TM2D3: variants seen among roughly 807,000 people sequenced by gnomAD.
TM2D3 encodes the protein TM2 domain containing 3.
TM2D3 carries 33 observed loss-of-function variants against 27.3 expected under a neutral mutation model. The observed-to-expected ratio is 1.21, with a 90% CI of 0.92 to 1.61. The LOEUF is 1.61. TM2D3 is among the 40% of genes most tolerant of loss of function. TM2D3 has a pLI of 0.00. For missense variants in TM2D3, 364 were observed against 320.8 expected (o/e 1.13, Z -1.03); for synonymous variants, 138 against 122.2 (o/e 1.13, Z -0.85).
chr15:101,646,603 TA>T, intron 4 of TM2D3, 121 bp downstream of exon 4: 1 of 1,047,706 alleles, frequency 9.5e-7, no homozygotes, highest in Non-Finnish European at 1.4e-6. Context: ...TTGGCACATC[TA>T]AAGAGCTGCT....
chr15:101,635,355 G>C (rs1896530042), intron 4 of TM2D3: 1 of 152,014 alleles, frequency 6.6e-6, no homozygotes, highest in African/African-American at 2.4e-5. Context: ...TAAGAAACTA[G>C]GGAGAAAAAA....
At chr15:101,638,030 G>A (rs1896585820), downstream of TM2D3, among the ~76,000 whole-genome samples, 1 of 152,232 alleles carries the variant, frequency 6.6e-6, no homozygotes, top group African/African-American at 2.4e-5. Flanking sequence ...TTCTTGACTA[G>A]GATTTTCTAA....
downstream of TM2D3, among the ~76,000 whole-genome samples, chr15:101,639,102 C>T (rs1304343845): frequency 1.3e-5 from 2 of 152,154 alleles, no homozygotes; most frequent in East Asian, 1.9e-4. Context: ...AATTTCAATA[C>T]ATTTAAAAGA....
rs117582924 is a variant in TM2D3 at position 101,641,885 on chromosome 15, T to C, written c.*594A>G. 7,356 of 967,162 alleles carry C rather than the reference T, an allele frequency of 7.6e-3. 37 individuals carry two copies. Among genetic ancestry groups the C allele is most frequent in the Non-Finnish European group, 8.5e-3 (6,893 of 813,250 alleles). 59.9% of individuals were successfully genotyped at this position (967,162 alleles called of 1,614,324 possible). A position where few individuals can be genotyped will look rare whatever the true frequency, so the allele number is the denominator to read the frequency against. ...CAATTTTATTAATTTTTCAGTACTC[T>C]TACCTTTTATATACTACTAAGAAAA... is the stretch of plus-strand genomic sequence containing the variant. On this transcript the variant is annotated 3_prime_UTR_variant, in exon 6 of 6. Transcript: ENST00000333202.
chr15:101,638,041 A>G (rs1235564083), downstream of TM2D3, among the ~76,000 whole-genome samples: 2 of 152,208 alleles, frequency 1.3e-5, no homozygotes, highest in Non-Finnish European at 2.9e-5. Flanking sequence ...GATTTTCTAA[A>G]TGTCCTGAAT....
At chr15:101,643,240 C>G (rs72761632) in intron 5 of TM2D3, among the ~76,000 whole-genome samples, 2,359 of 152,212 alleles carry the variant, frequency 0.015, 31 homozygotes, top group Non-Finnish European at 0.027. Flanking sequence ...CATCAAAACC[C>G]TCCTCTTTCC....
Position 101,651,627 on chromosome 15 carries a change from T to C in TM2D3, c.169+69A>G, listed in dbSNP as rs557200218. ...GTGACTTCGTATACTAAAGGGAATTTTTATAAAAACAAAGAGAAACTACTA... is the reference window on the plus strand; with the variant it reads ...GTGACTTCGTATACTAAAGGGAATTCTTATAAAAACAAAGAGAAACTACTA... On this transcript the variant is annotated intron_variant, in intron 2 of 5. Coordinates refer to ENST00000333202, the MANE Select transcript of TM2D3 (RefSeq NM_078474.3). 5.4e-6 allele frequency: 8 copies of C among 1,473,178 alleles called. No individual in the cohort carries two copies. In the African/African-American group the frequency reaches 5.7e-5, roughly 10 times the overall value. The allele number at this position is 1,473,178 out of a possible 1,614,324, so 91.3% of individuals were successfully genotyped here. A position where few individuals can be genotyped will look rare whatever the true frequency, so the allele number is the denominator to read the frequency against.
At chr15:101,636,995 G>T (rs1218702868), downstream of TM2D3, 2 of 341,362 alleles carry the variant, frequency 5.9e-6, no homozygotes, top group East Asian at 1.9e-4. Flanking sequence ...AGTATCAAGA[G>T]GTCCTAAGAA....
intron 5 of TM2D3, among the ~76,000 whole-genome samples, chr15:101,644,406 C>T (rs1896751089): frequency 6.6e-6 from 1 of 152,206 alleles, no homozygotes; most frequent in African/African-American, 2.4e-5. Context: ...CTATGCACAG[C>T]ACAGCCCCAA....
downstream of TM2D3, among the ~76,000 whole-genome samples, chr15:101,639,419 G>A (rs149230911): frequency 6.6e-6 from 1 of 151,144 alleles, no homozygotes; most frequent in East Asian, 1.9e-4. Flanking sequence ...TACTTATGTA[G>A]TGCCTTCATT....
chr15:101,645,055 G>T, intron 5 of TM2D3, 32 bp downstream of exon 5: 1 of 1,586,972 alleles, frequency 6.3e-7, no homozygotes, highest in Middle Eastern at 1.7e-4. Context: ...AAATGCAAAC[G>T]GCCTTTTACA....
At chr15:101,642,842 G>C (rs1896703487) in intron 5 of TM2D3, among the ~76,000 whole-genome samples, 198 bp from the exon 6 acceptor site, 1 of 152,176 alleles carries the variant, frequency 6.6e-6, no homozygotes, top group African/African-American at 2.4e-5. Context: ...AATGTCAAAA[G>C]TAAACATACA....
downstream of TM2D3, among the ~76,000 whole-genome samples, chr15:101,639,236 G>A (rs1389197265): frequency 2.0e-5 from 3 of 152,052 alleles, no homozygotes; most frequent in Admixed American, 6.6e-5. Context: ...TGAAAGAAAC[G>A]CATACGATGT....
Position 101,646,754 on chromosome 15 carries a change from C to A in TM2D3, c.473G>T (p.Cys158Phe). 1.2e-6 allele frequency: 2 copies of A among 1,614,188 alleles called. No individual in the cohort carries two copies. Among genetic ancestry groups the A allele is most frequent in the Non-Finnish European group, 1.7e-6 (2 of 1,180,022 alleles). Residue 158 changes from cysteine (C) to phenylalanine (F), a missense_variant, in exon 4 of 6, where the codon TGC becomes TTC. Cys to Phe is a radical substitution (Grantham distance 205). Coordinates refer to ENST00000333202, the MANE Select transcript of TM2D3 (RefSeq NM_078474.3). ...GCAGTGGACGTGGTCCCGCACCGTG[C>A]AGTTGGCAGGGTAGCGCTGCCGAGG... ...SCPRQRYPAN[C>F]TVRDHVHCLG...
chr15:101,638,657 C>A (rs1189812914), downstream of TM2D3, among the ~76,000 whole-genome samples: 4 of 152,128 alleles, frequency 2.6e-5, no homozygotes, highest in East Asian at 7.7e-4. Context: ...AGTAATCTTA[C>A]ACACCTGAGC....
rs115522751 is a variant in TM2D3, at chr15:101,642,426, C to T, written c.*53G>A. The stretch of plus-strand genomic sequence containing the variant: ...ATCACTCACACCACATCAACTCCTA[C>T]GGACAAAAGGGCTTTTTCTAAGCCC... On this transcript the variant is annotated 3_prime_UTR_variant, in exon 6 of 6. Transcript: ENST00000333202. The T allele has an allele frequency of 1.4e-3, 2,057 of 1,520,694 alleles. 25 individuals are homozygous for T. The African/African-American group carries it at 0.023, about 17-fold the overall frequency. 94.2% of individuals were successfully genotyped at this position (1,520,694 alleles called of 1,614,324 possible).
At chr15:101,650,753 A>G (rs560765341) in intron 2 of TM2D3, 1 of 152,256 alleles carries the variant, frequency 6.6e-6, no homozygotes, top group African/African-American at 2.4e-5. Context: ...CTCTACTTTA[A>G]TAACATCTTC....
intron 3 of TM2D3, 38 bp from the exon 4 acceptor site, chr15:101,646,937 GGT>G (rs777696449): frequency 6.2e-6 from 10 of 1,610,388 alleles, no homozygotes; most frequent in Non-Finnish European, 8.5e-6. Context: ...CAATCACAAT[GGT>G]GTAGTCTGTT....
chr15:101,638,259 G>A (rs74033384), downstream of TM2D3, among the ~76,000 whole-genome samples: 2,865 of 151,184 alleles, frequency 0.019, 95 homozygotes, highest in African/African-American at 0.066. Context: ...CTCTTTCTCC[G>A]AATTAACCTG....
Sources: gnomAD v4.1 joint callset for allele counts (sites outside exome capture counted in the v4.1 genomes callset) on GRCh38, gnomAD v4.1.1 for gene constraint, MANE v1.5 for transcripts, NCBI Gene and HGNC (gene_info 2026-07-23, HGNC 2026-07-21) for gene names.